The following SLC14A2 variants were observed in gnomAD, a reference collection of about 807,000 sequenced individuals.
The protein encoded by SLC14A2 is solute carrier family 14 member 2, also known as urea transporter 2.
In SLC14A2, 91 loss-of-function variants were observed where a neutral mutation model predicts 104.6. The observed-to-expected ratio is 0.87, with a 90% confidence interval of 0.73 to 1.04. The LOEUF (loss-of-function observed/expected upper bound fraction) is 1.04, where lower values mean the gene tolerates loss of function less well. SLC14A2 is among the 50% of genes least tolerant of loss of function. The pLI is 0.00. For missense variants in SLC14A2, 1,189 were observed against 1,156.0 expected (o/e 1.03, Z -0.41); for synonymous variants, 476 against 466.4 (o/e 1.02, Z -0.27).
chr18:45,475,656 T>TATATATATATATATATTTAGG (rs2087357953), intron 1 of SLC14A2, among the ~76,000 whole-genome samples: 7 of 65,744 alleles, frequency 1.1e-4, no homozygotes, highest in African/African-American at 5.5e-4. Flanking sequence ...TATATATATA[T>TATATATATATATATATTTAGG]ATATATATAT....
intron 1 of SLC14A2, among the ~76,000 whole-genome samples, chr18:45,232,036 T>C (rs1292409998): frequency 3.5e-5 from 5 of 142,818 alleles, no homozygotes; most frequent in African/African-American, 1.3e-4. Flanking sequence ...ATTGCAATAG[T>C]AAAAAAAAAA....
the SLC14A2 span, among the ~76,000 whole-genome samples, chr18:45,196,721 A>G: frequency 3.9e-5 from 6 of 152,214 alleles, no homozygotes; most frequent in African/African-American, 7.2e-5. Context: ...CCTCAACAGC[A>G]ATCAATCAAT....
intron 1 of SLC14A2, among the ~76,000 whole-genome samples, chr18:45,376,870 C>A (rs1408383138): frequency 1.3e-5 from 2 of 152,138 alleles, no homozygotes; most frequent in African/African-American, 2.4e-5. Flanking sequence ...ATTTTTGGTT[C>A]TTTTCTCTTG....
chr18:45,356,737 T>C (rs2085558267), intron 1 of SLC14A2, among the ~76,000 whole-genome samples: 1 of 152,210 alleles, frequency 6.6e-6, no homozygotes, highest in Non-Finnish European at 1.5e-5. Context: ...CCCAGAAGCT[T>C]TTACAAAAAT....
chr18:45,644,897 A>G (rs2045592451), intron 10 of SLC14A2, among the ~76,000 whole-genome samples: 1 of 152,178 alleles, frequency 6.6e-6, no homozygotes, highest in Admixed American at 6.5e-5. Context: ...TGTGCAGAAC[A>G]TGCAGGTTTG....
At chr18:45,505,695 G>A (rs914384372) in intron 2 of SLC14A2, among the ~76,000 whole-genome samples, 2 of 152,166 alleles carry the variant, frequency 1.3e-5, no homozygotes, top group East Asian at 1.9e-4. Context: ...CCCACACCAC[G>A]TGAGAACTCA....
intron 1 of SLC14A2, among the ~76,000 whole-genome samples, chr18:45,305,592 C>T (rs1316172896): frequency 6.6e-6 from 1 of 152,218 alleles, no homozygotes; most frequent in Non-Finnish European, 1.5e-5. Flanking sequence ...ACCCACCACC[C>T]ATTCCACTTC....
intron 1 of SLC14A2, among the ~76,000 whole-genome samples, chr18:45,327,702 A>G (rs1030966811): frequency 1.3e-5 from 2 of 152,312 alleles, no homozygotes; most frequent in South Asian, 4.1e-4. Context: ...ACGTTGTAGC[A>G]TGTGTCAGAA....
chr18:45,588,113 T>C (rs1478597887), intron 2 of SLC14A2, among the ~76,000 whole-genome samples: 1 of 152,010 alleles, frequency 6.6e-6, no homozygotes, highest in Non-Finnish European at 1.5e-5. Flanking sequence ...AGAGAAGAAT[T>C]CAAATTCTTC....
intron 2 of SLC14A2, among the ~76,000 whole-genome samples, chr18:45,525,773 A>G (rs976135789): frequency 6.6e-6 from 1 of 152,192 alleles, no homozygotes; most frequent in African/African-American, 2.4e-5. Flanking sequence ...CCATGAACAT[A>G]CAATGGGTCA....
chr18:45,198,911 T>A, the SLC14A2 span, among the ~76,000 whole-genome samples: 1 of 152,176 alleles, frequency 6.6e-6, no homozygotes, highest in African/African-American at 2.4e-5. Context: ...ATTTTTATCA[T>A]CACAATACCT....
intron 1 of SLC14A2, among the ~76,000 whole-genome samples, chr18:45,416,923 G>A (rs1351417529): frequency 1.3e-5 from 2 of 152,206 alleles, no homozygotes; most frequent in East Asian, 1.9e-4. Flanking sequence ...GAGGGAAAAT[G>A]AGTGGGGTGT....
chr18:45,398,398 CAGAA>C (rs1442176762), intron 1 of SLC14A2, among the ~76,000 whole-genome samples: 2 of 152,090 alleles, frequency 1.3e-5, no homozygotes, highest in East Asian at 3.8e-4. Context: ...AGGTTATTAT[CAGAA>C]AGCAGCAGGG....
intron 2 of SLC14A2, among the ~76,000 whole-genome samples, chr18:45,484,778 TG>T (rs1406906985): frequency 1.3e-5 from 2 of 148,368 alleles, no homozygotes; most frequent in Non-Finnish European, 3.0e-5. Context: ...ACTGGTTGGT[TG>T]GTTTTTCTTT....
rs144552165 is a variant in SLC14A2 at position 45,527,104 on chromosome 18, A to G, written c.-35+43782A>G. On this transcript the variant is annotated intron_variant, in intron 2 of 20. Coordinates refer to the SLC14A2 transcript ENST00000586448. ...TGCCCAAAAGTCACATAGCTGGTCA[A>G]TGACAGAGCTAAGATCTTCCAGTAT... 1.1e-4 allele frequency among the ~76,000 whole-genome samples: 16 copies of G among 152,360 alleles called. No homozygotes were observed. In the South Asian group the frequency reaches 1.2e-3, roughly 12 times the overall value.
chr18:45,190,928 T>A, the SLC14A2 span, among the ~76,000 whole-genome samples: 1 of 152,184 alleles, frequency 6.6e-6, no homozygotes, highest in African/African-American at 2.4e-5. Context: ...AGGCCTTTTT[T>A]AGAAGGAAAA....
chr18:45,417,601 G>A (rs369114877), intron 1 of SLC14A2, among the ~76,000 whole-genome samples: 26 of 152,090 alleles, frequency 1.7e-4, no homozygotes, highest in African/African-American at 6.0e-4. Context: ...GGGGGGAACC[G>A]CCCCCAATTC....
intron 2 of SLC14A2, among the ~76,000 whole-genome samples, chr18:45,513,165 C>G (rs145703996): frequency 1.3e-5 from 2 of 152,330 alleles, no homozygotes; most frequent in African/African-American, 4.8e-5. Context: ...CACTTGTTCT[C>G]TACTCAGACT....
At chr18:45,673,171 T>C (rs1373846046) in intron 17 of SLC14A2, 124 bp downstream of exon 17, 1 of 948,964 alleles carries the variant, frequency 1.1e-6, no homozygotes. Context: ...CTCCTTCTGT[T>C]GTACCCTGTT....
Sources: gnomAD v4.1 joint callset for allele counts (sites outside exome capture counted in the v4.1 genomes callset) on GRCh38, gnomAD v4.1.1 for gene constraint, MANE v1.5 for transcripts, NCBI Gene and HGNC (gene_info 2026-07-23, HGNC 2026-07-21) for gene names.